RPH3AL: variants seen among roughly 807,000 people sequenced by gnomAD.
RPH3AL encodes rab effector Noc2.
Under a neutral mutation model 43.1 loss-of-function variants are expected in RPH3AL, and 38 were observed. The ratio of observed to expected loss-of-function variants is 0.88; its 90% confidence interval spans 0.68 to 1.15. The LOEUF (loss-of-function observed/expected upper bound fraction) is 1.15, where lower values mean the gene tolerates loss of function less well. RPH3AL is among the 50% of genes most tolerant of loss of function. RPH3AL has a pLI of 0.00. For missense variants in RPH3AL, 462 were observed against 423.2 expected (o/e 1.09, Z -0.81); for synonymous variants, 189 against 176.3 (o/e 1.07, Z -0.57).
intron 5 of RPH3AL, among the ~76,000 whole-genome samples, chr17:318,890 T>G (rs2044378794): frequency 6.6e-6 from 1 of 152,348 alleles, no homozygotes; most frequent in African/African-American, 2.4e-5. Flanking sequence ...GCATACTGCT[T>G]GGACTTCAGG....
At chr17:253,863 CCATCCCTAGGAA>C in intron 6 of RPH3AL, among the ~76,000 whole-genome samples, 1 of 54,866 alleles carries the variant, frequency 1.8e-5, no homozygotes, top group Non-Finnish European at 3.5e-5. Context: ...CTGTCCTGTT[CCATCCCTAGGAA>C]TGTGACTACC....
rs570691441 is a variant in RPH3AL, at chr17:266,383, G to A, written c.438+15385C>T. On this transcript the variant is annotated intron_variant, in intron 6 of 9. Coordinates refer to ENST00000331302, the MANE Select transcript of RPH3AL (RefSeq NM_006987.4). Reference sequence around the variant, plus strand: ...TGTGCTCCCCTCAACTCCAGTGGGAGTGCACAGATTCATAAAATTCATCCT... The same window carrying A: ...TGTGCTCCCCTCAACTCCAGTGGGAATGCACAGATTCATAAAATTCATCCT... Among the ~76,000 whole-genome samples, 6 of 152,108 alleles carry A rather than the reference G, an allele frequency of 3.9e-5. No individual in the cohort carries two copies. The South Asian group carries it at 1.0e-3, about 26-fold the overall frequency.
rs192944946 is a variant in RPH3AL at position 330,869 on chromosome 17, T to G, written c.-37+2890A>C. The G allele has an allele frequency of 8.3e-5, 11 of 132,914 alleles. No individual in the cohort carries two copies. In the East Asian group the frequency reaches 3.1e-3, roughly 37 times the overall value. The allele number at this position is 132,914 out of a possible 1,614,324, so 8.2% of individuals were successfully genotyped here. On this transcript the variant is annotated intron_variant, in intron 2 of 9. Transcript: ENST00000331302. ...CCAGCCTGGGTGACAGAGCGAGACA[T>G]AATCTCAAAAAAAAAAAAAAGATCT...
chr17:231,033 T>C (rs2041219681), intron 7 of RPH3AL, among the ~76,000 whole-genome samples: 1 of 152,200 alleles, frequency 6.6e-6, no homozygotes, highest in Admixed American at 6.5e-5. Context: ...ATTTCTTATC[T>C]TCATTTCCCT....
chr17:352,593 C>T (rs1279708686), intron 1 of RPH3AL, 119 bp downstream of exon 1: 1 of 152,252 alleles, frequency 6.6e-6, no homozygotes, highest in Non-Finnish European at 1.5e-5. Flanking sequence ...AGACACAAAC[C>T]TTTTCCCCGG....
chr17:261,574 T>C (rs57934124), intron 6 of RPH3AL: 105 of 152,354 alleles, frequency 6.9e-4, no homozygotes, highest in African/African-American at 2.5e-3. Context: ...ATGGAAAAGA[T>C]AGGCCAGCTA....
In RPH3AL at chr17:304,906, C is replaced by G; in HGVS notation, c.351+14514G>C. 1.5e-5 allele frequency among the ~76,000 whole-genome samples: 2 copies of G among 134,994 alleles called. 1 individual carries two copies. Among genetic ancestry groups the G allele is most frequent in the Non-Finnish European group, 3.2e-5 (2 of 62,588 alleles). 88.6% of individuals were successfully genotyped at this position (134,994 alleles called of 152,430 possible). ...GGTCCAGCGCCACGAGCTCCTAGGG[C>G]CAGAGTGCAAGAGAGGCACAGGGCG... On this transcript the variant is annotated intron_variant, in intron 5 of 9. Coordinates refer to ENST00000331302, the MANE Select transcript of RPH3AL (RefSeq NM_006987.4).
chr17:349,735 C>T (rs1202244440), intron 1 of RPH3AL, among the ~76,000 whole-genome samples: 1 of 152,148 alleles, frequency 6.6e-6, no homozygotes, highest in Non-Finnish European at 1.5e-5. Flanking sequence ...GCTTCTCCTC[C>T]ACCTTAAGAC....
chr17:289,431 C>T lies in RPH3AL; in HGVS notation c.352-7577G>A, dbSNP rs1325695255. Among the ~76,000 whole-genome samples the T allele has an allele frequency of 1.3e-5, 2 of 152,190 alleles. No individual in the cohort carries two copies. On this transcript the variant is annotated intron_variant, in intron 5 of 9. Coordinates refer to ENST00000331302, the MANE Select transcript of RPH3AL (RefSeq NM_006987.4). This position sits in a 1 kb window ranked among gnomAD's most constrained non-coding sequence, Gnocchi z 5.2. ...CAACCTCTCAATTCCCCTTCAGCCCCGTCCCTGATCTCTGCTGCCACCGCC... is the reference window on the plus strand; with the variant it reads ...CAACCTCTCAATTCCCCTTCAGCCCTGTCCCTGATCTCTGCTGCCACCGCC...
rs533847357 is a variant in RPH3AL at position 243,617 on chromosome 17, T to G, written c.613+3494A>C. The stretch of plus-strand genomic sequence containing the variant: ...GATTACCCTTCCTCTATTGATTACC[T>G]TCCTCTATTGATTACCCTTCCTCTA... On this transcript the variant is annotated intron_variant, in intron 7 of 9. Coordinates refer to ENST00000331302, the MANE Select transcript of RPH3AL (RefSeq NM_006987.4). Among the ~76,000 whole-genome samples the G allele has an allele frequency of 2.0e-4, 27 of 137,570 alleles. 1 individual carries two copies. In the South Asian group the frequency reaches 6.7e-3, roughly 34 times the overall value. 90.3% of individuals were successfully genotyped at this position (137,570 alleles called of 152,430 possible).
chr17:279,904 C>A (rs1490382302), intron 6 of RPH3AL, among the ~76,000 whole-genome samples: 3 of 152,162 alleles, frequency 2.0e-5, no homozygotes, highest in Admixed American at 6.5e-5. Context: ...AACAGTCTTA[C>A]TGAATTCTCG....
In RPH3AL at chr17:250,294, C is replaced by T. The variant is rs1356705150; in HGVS notation, c.439-3009G>A. ...ACCTCTCAGAGCCTTTACCAAGCTC[C>T]GTTGCTGCGGGACCTCTCAGAGCCT... is the stretch of plus-strand genomic sequence containing the variant. On this transcript the variant is annotated intron_variant, in intron 6 of 9. Coordinates refer to ENST00000331302, the MANE Select transcript of RPH3AL (RefSeq NM_006987.4). Among the ~76,000 whole-genome samples the T allele has an allele frequency of 2.7e-4, 25 of 94,054 alleles. 1 individual carries two copies. The highest frequency in any genetic ancestry group is 3.7e-4 in the Non-Finnish European group (16 of 43,048). 61.7% of individuals were successfully genotyped at this position (94,054 alleles called of 152,430 possible). A position where few individuals can be genotyped will look rare whatever the true frequency, so the allele number is the denominator to read the frequency against.
At position 345,107 on chromosome 17, in the gene RPH3AL, A is replaced by AACACACAC. The variant is rs548169665; in HGVS notation, c.-213+7597_-213+7604dup. On this transcript the variant is annotated intron_variant, in intron 1 of 9. Transcript: ENST00000331302. ...AACATGGTGAAACCTTGTCTCTGAA[A>AACACACAC]ACACACACACACACAGAAAAAATTA... Among the ~76,000 whole-genome samples the AACACACAC allele has an allele frequency of 7.0e-3, 941 of 134,164 alleles. 119 individuals carry two copies. Among genetic ancestry groups the AACACACAC allele is most frequent in the African/African-American group, 0.023 (899 of 39,262 alleles). The allele number at this position is 134,164 out of a possible 152,430, so 88.0% of individuals were successfully genotyped here. A position where few individuals can be genotyped will look rare whatever the true frequency, so the allele number is the denominator to read the frequency against.
At chr17:258,387 G>A (rs541872622) in intron 6 of RPH3AL, among the ~76,000 whole-genome samples, 7 of 152,282 alleles carry the variant, frequency 4.6e-5, no homozygotes, top group South Asian at 4.1e-4. Context: ...CCACCTTCCC[G>A]GGGAAGAAGC....
intron 6 of RPH3AL, chr17:262,062 A>G (rs557116793): frequency 6.6e-6 from 1 of 152,244 alleles, no homozygotes; most frequent in African/African-American, 2.4e-5. Flanking sequence ...CATGGTCCAA[A>G]TATTGGGTAA....
intron 1 of RPH3AL, among the ~76,000 whole-genome samples, chr17:350,076 C>T (rs1164063992): frequency 6.6e-6 from 1 of 151,468 alleles, no homozygotes; most frequent in South Asian, 2.1e-4. Flanking sequence ...AGCTAACCAG[C>T]GGTTTAATTT....
At chr17:316,579 A>C (rs2151686353) in intron 5 of RPH3AL, among the ~76,000 whole-genome samples, 1 of 141,442 alleles carries the variant, frequency 7.1e-6, no homozygotes, top group African/African-American at 2.7e-5. Flanking sequence ...CCCCACCTCC[A>C]TTGACCTGTA....
rs537509859 is a variant in RPH3AL, at chr17:323,822, C to T, written c.78-2407G>A. On this transcript the variant is annotated intron_variant, in intron 3 of 9. Transcript: ENST00000331302. The surrounding 1 kb of genome is among the most constrained non-coding windows in gnomAD (Gnocchi z 4.4). ...GGCAGGCCCGGACCCTCCATCACCC[C>T]GCGAGACAGTCCAGACCCTCAGTCA... 3.9e-5 allele frequency among the ~76,000 whole-genome samples: 6 copies of T among 152,056 alleles called. 1 individual carries two copies. In the East Asian group the frequency reaches 7.7e-4, roughly 20 times the overall value.
At chr17:312,127 C>A (rs2043661037) in intron 5 of RPH3AL, among the ~76,000 whole-genome samples, 2 of 151,994 alleles carry the variant, frequency 1.3e-5, no homozygotes, top group Non-Finnish European at 2.9e-5. Flanking sequence ...CAAAGCGATA[C>A]CCTGTCTCTA....
Sources: gnomAD v4.1 joint callset for allele counts (sites outside exome capture counted in the v4.1 genomes callset) on GRCh38, gnomAD v4.1.1 for gene constraint, Gnocchi (gnomAD v3.1) non-coding constraint, MANE v1.5 for transcripts, NCBI Gene and HGNC (gene_info 2026-07-23, HGNC 2026-07-21) for gene names.